RABGAP1L: variants seen among roughly 807,000 people sequenced by gnomAD.
The protein encoded by RABGAP1L is RAB GTPase activating protein 1 like.
Under a neutral mutation model 137.7 loss-of-function variants are expected in RABGAP1L, and 63 were observed. That is an observed-to-expected ratio of 0.46 (90% CI 0.37 to 0.56). RABGAP1L has a LOEUF of 0.56. Among genes scored for constraint, RABGAP1L ranks in the 20% least tolerant of loss-of-function variants. The pLI is 0.00. For synonymous variants in RABGAP1L, 431 were observed against 433.7 expected, an observed-to-expected ratio of 0.99 and a Z score of 0.08; for missense variants, 1,095 against 1,244.0, an observed-to-expected ratio of 0.88 and a Z score of 1.80.
chr1:174,811,819 G>T lies in RABGAP1L; in HGVS notation c.2212-13G>T. ...CTGAAATGTAATGACGATTCTTGAT[G>T]ATTATTTTGCAGACCTCAAAGGAAG... On this transcript the variant is annotated splice_polypyrimidine_tract_variant and intron_variant, in intron 18 of 25. Transcript: ENST00000681986. The T allele has an allele frequency of 6.5e-7, 1 of 1,533,838 alleles. No homozygotes were observed. Among genetic ancestry groups the T allele is most frequent in the South Asian group, 1.4e-5 (1 of 73,060 alleles).
intron 14 of RABGAP1L, among the ~76,000 whole-genome samples, chr1:174,676,333 C>T (rs1236732872): frequency 6.6e-6 from 1 of 151,844 alleles, no homozygotes; most frequent in Non-Finnish European, 1.5e-5. Flanking sequence ...TCAGTTTTTT[C>T]ATTACAGATT....
chr1:174,314,756 G>A (rs575677837), intron 11 of RABGAP1L, among the ~76,000 whole-genome samples: 12 of 152,118 alleles, frequency 7.9e-5, no homozygotes, highest in South Asian at 2.1e-4. Context: ...CCCACTGGTC[G>A]TTCAGGAGCG....
intron 19 of RABGAP1L, among the ~76,000 whole-genome samples, chr1:174,904,119 A>G (rs1279414297): frequency 1.3e-5 from 2 of 152,110 alleles, no homozygotes; most frequent in Non-Finnish European, 2.9e-5. Context: ...GGAGAACTGA[A>G]CTTCCATATC....
intron 18 of RABGAP1L, chr1:174,800,379 C>G (rs566839122): frequency 3.2e-6 from 5 of 1,550,522 alleles, no homozygotes; most frequent in Non-Finnish European, 4.4e-6. Context: ...AAGCTCACAC[C>G]TCCTGTCAAA....
intron 13 of RABGAP1L, among the ~76,000 whole-genome samples, chr1:174,534,083 CTG>C (rs1664672961): frequency 6.7e-6 from 1 of 150,046 alleles, no homozygotes; most frequent in Non-Finnish European, 1.5e-5. Context: ...GGATTTTTGA[CTG>C]TGCATAGGGC....
chr1:174,305,251 C>A, intron 11 of RABGAP1L, 124 bp downstream of exon 11: 1 of 968,336 alleles, frequency 1.0e-6, no homozygotes, highest in Non-Finnish European at 1.4e-6. Flanking sequence ...ACCATTAGGC[C>A]AAATTCTACA....
intron 13 of RABGAP1L, among the ~76,000 whole-genome samples, chr1:174,516,968 T>TAAATAAATAAAA (rs1236530309): frequency 2.1e-5 from 3 of 145,438 alleles, no homozygotes; most frequent in Admixed American, 6.8e-5. Context: ...AATAAATAAA[T>TAAATAAATAAAA]AAAATAAATT....
intron 13 of RABGAP1L, among the ~76,000 whole-genome samples, chr1:174,543,792 G>A (rs973795196): frequency 6.6e-6 from 1 of 152,108 alleles, no homozygotes; most frequent in African/African-American, 2.4e-5. Flanking sequence ...CAGGCCTGGT[G>A]GTGACAAAAT....
chr1:174,969,911 A>G (rs1408889794), intron 21 of RABGAP1L, among the ~76,000 whole-genome samples: 1 of 152,228 alleles, frequency 6.6e-6, no homozygotes, highest in African/African-American at 2.4e-5. Flanking sequence ...TAAGCTGTCT[A>G]TAGGTATAAA....
chr1:174,301,058 C>T (rs193022887), intron 10 of RABGAP1L, among the ~76,000 whole-genome samples: 6 of 152,188 alleles, frequency 3.9e-5, no homozygotes, highest in South Asian at 2.1e-4. Flanking sequence ...AGTTCATGCC[C>T]GGTCTGCAGT....
chr1:174,978,679 A>G (rs566028059), intron 22 of RABGAP1L, 128 bp from the exon 23 acceptor site: 5 of 1,101,054 alleles, frequency 4.5e-6, no homozygotes, highest in Non-Finnish European at 6.0e-6. Context: ...GCTTCCATGA[A>G]GATAATTTAT....
At chr1:174,938,364 A>G (rs1356823837) in intron 19 of RABGAP1L, 3 of 152,190 alleles carry the variant, frequency 2.0e-5, no homozygotes, top group African/African-American at 7.2e-5. Context: ...TTTAAATGTT[A>G]AATTAGATTC....
At chr1:174,524,148 C>T (rs1663668565) in intron 13 of RABGAP1L, among the ~76,000 whole-genome samples, 1 of 151,960 alleles carries the variant, frequency 6.6e-6, no homozygotes, top group Admixed American at 6.6e-5. Context: ...GGACAGATAA[C>T]CAGTAGTTGG....
At chr1:174,697,707 G>A (rs567914266) in intron 15 of RABGAP1L, among the ~76,000 whole-genome samples, 1 of 152,306 alleles carries the variant, frequency 6.6e-6, no homozygotes, top group East Asian at 1.9e-4. Context: ...ACCTTGGTAA[G>A]AGAAGTATTC....
chr1:174,515,973 C>G (rs971669542), intron 13 of RABGAP1L, among the ~76,000 whole-genome samples: 1 of 151,930 alleles, frequency 6.6e-6, no homozygotes, highest in African/African-American at 2.4e-5. Context: ...AAAATAGGAG[C>G]CAAGCTTCTA....
At chr1:174,165,679 T>C (rs1571329479) in intron 1 of RABGAP1L, among the ~76,000 whole-genome samples, 1 of 151,754 alleles carries the variant, frequency 6.6e-6, no homozygotes, top group Non-Finnish European at 1.5e-5. Flanking sequence ...TTTCATTACT[T>C]GTAGAGACGG....
chr1:174,399,446 T>C (rs1006397738), intron 13 of RABGAP1L, among the ~76,000 whole-genome samples: 2 of 152,148 alleles, frequency 1.3e-5, no homozygotes, highest in Non-Finnish European at 2.9e-5. Flanking sequence ...TCCTGTCTTA[T>C]TAAGGGAATG....
intron 14 of RABGAP1L, among the ~76,000 whole-genome samples, chr1:174,647,953 G>A (rs538217263): frequency 6.6e-6 from 1 of 152,166 alleles, no homozygotes; most frequent in South Asian, 2.1e-4. Flanking sequence ...ATGTATTCAG[G>A]AATTCATCCA....
intron 13 of RABGAP1L, among the ~76,000 whole-genome samples, chr1:174,624,672 G>C (rs571409992): frequency 6.6e-6 from 1 of 152,164 alleles, no homozygotes; most frequent in African/African-American, 2.4e-5. Flanking sequence ...TGAAGACACT[G>C]GAAACATAAA....
Sources: allele counts gnomAD v4.1 joint callset (sites outside exome capture counted in the v4.1 genomes callset), GRCh38; gene constraint gnomAD v4.1.1; transcripts MANE v1.5; gene names NCBI Gene and HGNC (gene_info 2026-07-23, HGNC 2026-07-21).